The following GOLGA1 variants were observed in gnomAD, a reference collection of about 807,000 sequenced individuals.
GOLGA1 encodes golgin subfamily A member 1.
Under a neutral mutation model 119.7 loss-of-function variants are expected in GOLGA1, and 63 were observed. The ratio of observed to expected loss-of-function variants is 0.53; its 90% CI spans 0.43 to 0.65. The LOEUF is 0.65. Ranked by LOEUF, GOLGA1 falls within the 30% of genes least tolerant of loss-of-function variation. The probability of loss-of-function intolerance (pLI) is 0.00; values close to 1 mark genes in which losing one functional copy is unlikely to be tolerated. For missense variants in GOLGA1, 798 were observed against 912.8 expected (o/e 0.87, Z 1.62); for synonymous variants, 318 against 333.4 (o/e 0.95, Z 0.50).
At chr9:124,891,615 C>T (rs995163817) in intron 15 of GOLGA1, among the ~76,000 whole-genome samples, 38 of 152,002 alleles carry the variant, frequency 2.5e-4, no homozygotes, top group African/African-American at 8.9e-4. Flanking sequence ...CAGCAGTCCT[C>T]GCTACTATGA....
upstream of GOLGA1, among the ~76,000 whole-genome samples, chr9:124,942,211 A>G (rs772761571): frequency 6.6e-5 from 10 of 152,146 alleles, no homozygotes; most frequent in African/African-American, 1.4e-4. Context: ...TGTAGGTTGC[A>G]GTGAGTCAAG....
At chr9:124,917,910 T>A (rs2131473559) in intron 10 of GOLGA1, among the ~76,000 whole-genome samples, 1 of 152,196 alleles carries the variant, frequency 6.6e-6, no homozygotes, top group South Asian at 2.1e-4. Flanking sequence ...TGGAGTGCAA[T>A]GGTGCAATCT....
chr9:124,909,004 A>G (rs1346206419), intron 11 of GOLGA1, among the ~76,000 whole-genome samples: 1 of 152,196 alleles, frequency 6.6e-6, no homozygotes, highest in Non-Finnish European at 1.5e-5. Context: ...TCTGTAAGCA[A>G]CATTTTTCAA....
intron 12 of GOLGA1, among the ~76,000 whole-genome samples, chr9:124,905,139 C>T (rs1362285561): frequency 2.8e-5 from 4 of 140,718 alleles, no homozygotes; most frequent in Non-Finnish European, 4.7e-5. Context: ...CAGCGGGAGT[C>T]CATCTCAAAA....
chr9:124,878,524 G>C lies in GOLGA1; in HGVS notation c.*2006C>G, dbSNP rs1441573971. ...GGCTATAGATACCGTCGCTAACACAGAAAGTTTTATACAAGTCAAAGTGCA... is the reference window on the plus strand; with the variant it reads ...GGCTATAGATACCGTCGCTAACACACAAAGTTTTATACAAGTCAAAGTGCA... On this transcript the variant is annotated 3_prime_UTR_variant, in exon 23 of 23. Coordinates refer to ENST00000373555, the MANE Select transcript of GOLGA1 (RefSeq NM_002077.4). The C allele has an allele frequency of 6.6e-6, 1 of 152,628 alleles. No individual in the cohort carries two copies. The highest frequency in any genetic ancestry group is 1.5e-5 in the Non-Finnish European group (1 of 68,036). 9.5% of individuals were successfully genotyped at this position (152,628 alleles called of 1,614,324 possible).
chr9:124,903,866 T>C (rs1364828988), intron 12 of GOLGA1, among the ~76,000 whole-genome samples: 1 of 151,998 alleles, frequency 6.6e-6, no homozygotes, highest in Non-Finnish European at 1.5e-5. Flanking sequence ...TTGGTCAACA[T>C]GGTGAAACCC....
In GOLGA1 at chr9:124,880,461, C is replaced by CACA. The variant is rs774303647; in HGVS notation, c.*68_*69insTGT. Reference sequence around the variant, plus strand: ...TACAGTGATTAAAAACCCACCCAGACTGGTGTGTCAGTGTTCTTTTCACAG... The same window carrying CACA: ...TACAGTGATTAAAAACCCACCCAGACACATGGTGTGTCAGTGTTCTTTTCACAG... On this transcript the variant is annotated 3_prime_UTR_variant, in exon 23 of 23. Coordinates refer to ENST00000373555, the MANE Select transcript of GOLGA1 (RefSeq NM_002077.4). 2 of 852,216 alleles carry CACA rather than the reference C, an allele frequency of 2.3e-6. No homozygotes were observed. The highest frequency in any genetic ancestry group is 4.1e-6 in the Non-Finnish European group (2 of 487,790). The allele number at this position is 852,216 out of a possible 1,614,324, so 52.8% of individuals were successfully genotyped here. A position where few individuals can be genotyped will look rare whatever the true frequency, so the allele number is the denominator to read the frequency against.
Position 124,880,355 on chromosome 9 carries a change from C to A in GOLGA1, c.*175G>T, listed in dbSNP as rs1018569371. On this transcript the variant is annotated 3_prime_UTR_variant, in exon 23 of 23. Coordinates refer to ENST00000373555, the MANE Select transcript of GOLGA1 (RefSeq NM_002077.4). ...ACCAGAATGACAGGATCAGCTACCCCCTGAGGTTCAGGTCAGCCTGCAGGG... is the reference window on the plus strand; with the variant it reads ...ACCAGAATGACAGGATCAGCTACCCACTGAGGTTCAGGTCAGCCTGCAGGG... The A allele has an allele frequency of 3.9e-6, 2 of 510,696 alleles. No homozygotes were observed. Among genetic ancestry groups the A allele is most frequent in the Non-Finnish European group, 7.3e-6 (2 of 272,618 alleles). 31.6% of individuals were successfully genotyped at this position (510,696 alleles called of 1,614,324 possible).
intron 12 of GOLGA1, among the ~76,000 whole-genome samples, chr9:124,901,501 C>G (rs189910693): frequency 6.7e-6 from 1 of 149,478 alleles, no homozygotes; most frequent in East Asian, 2.0e-4. Flanking sequence ...GTAGTGCAAT[C>G]TTGGCTCACT....
intron 10 of GOLGA1, among the ~76,000 whole-genome samples, 159 bp downstream of exon 10, chr9:124,920,970 C>A (rs774446411): frequency 3.3e-5 from 5 of 152,036 alleles, no homozygotes; most frequent in Non-Finnish European, 5.9e-5. Context: ...AGCTGTATGG[C>A]CATTTCCATC....
chr9:124,907,116 T>G (rs1830250264), intron 12 of GOLGA1, among the ~76,000 whole-genome samples: 1 of 152,128 alleles, frequency 6.6e-6, no homozygotes, highest in African/African-American at 2.4e-5. Context: ...CAGATATCAC[T>G]ATAGTAATAA....
chr9:124,906,390 C>T (rs1830232803), intron 12 of GOLGA1, among the ~76,000 whole-genome samples: 1 of 151,678 alleles, frequency 6.6e-6, no homozygotes, highest in South Asian at 2.1e-4. Context: ...AAGATAGTGC[C>T]ACTGCACTCC....
Sources: gnomAD v4.1 joint callset for allele counts (sites outside exome capture counted in the v4.1 genomes callset) on GRCh38, gnomAD v4.1.1 for gene constraint, MANE v1.5 for transcripts, NCBI Gene and HGNC (gene_info 2026-07-23, HGNC 2026-07-21) for gene names.